Variants in BMAL1 observed in about 807,000 individuals in gnomAD.
BMAL1 encodes basic helix-loop-helix ARNT-like protein 1.
chr11:13,324,619 T>A, the BMAL1 span, among the ~76,000 whole-genome samples: 33 of 152,218 alleles, frequency 2.2e-4, no homozygotes, highest in Non-Finnish European at 3.4e-4. Context: ...TTATATGATA[T>A]GTTTGTTTGT....
the BMAL1 span, chr11:13,386,836 G>A: frequency 6.6e-7 from 1 of 1,512,876 alleles, no homozygotes; most frequent in South Asian, 1.3e-5. Context: ...AAGCTTACTG[G>A]ATAAGGAGAG....
chr11:13,381,111 A>G, the BMAL1 span: 4 of 1,579,978 alleles, frequency 2.5e-6, no homozygotes, highest in African/African-American at 1.3e-5. Flanking sequence ...AACAAAGCAC[A>G]TACACTCCAC....
the BMAL1 span, among the ~76,000 whole-genome samples, chr11:13,322,686 C>T: frequency 6.7e-6 from 1 of 150,222 alleles, no homozygotes; most frequent in Non-Finnish European, 1.5e-5. Flanking sequence ...GTCCTGTCAC[C>T]AAGGTATGCA....
chr11:13,342,494 A>G, the BMAL1 span, among the ~76,000 whole-genome samples: 3 of 152,110 alleles, frequency 2.0e-5, no homozygotes, highest in Admixed American at 2.0e-4. Flanking sequence ...GAGGTGATAA[A>G]TGGTGTGTGG....
the BMAL1 span, among the ~76,000 whole-genome samples, chr11:13,352,070 C>T: frequency 1.3e-3 from 200 of 151,890 alleles, 2 homozygotes; most frequent in African/African-American, 4.6e-3. Context: ...ATGGTGGTCT[C>T]GAGGAGGTGG....
chr11:13,365,494 G>C, the BMAL1 span: 1 of 1,612,128 alleles, frequency 6.2e-7, no homozygotes. Context: ...CATTTCTCCT[G>C]ATTAGGCAGC....
the BMAL1 span, among the ~76,000 whole-genome samples, chr11:13,311,053 G>A: frequency 1.3e-5 from 2 of 152,226 alleles, no homozygotes; most frequent in Non-Finnish European, 2.9e-5. Context: ...CAAAGAGGAT[G>A]AAAGTTTAAG....
At chr11:13,323,467 C>G in the BMAL1 span, among the ~76,000 whole-genome samples, 2 of 140,364 alleles carry the variant, frequency 1.4e-5, no homozygotes, top group Non-Finnish European at 3.1e-5. Flanking sequence ...TAGCCTTGCT[C>G]CTCCTCAGTC....
the BMAL1 span, among the ~76,000 whole-genome samples, chr11:13,366,422 A>G: frequency 1.3e-5 from 2 of 152,314 alleles, no homozygotes; most frequent in East Asian, 3.9e-4. Flanking sequence ...GTTGCCTTAG[A>G]AGAGCATAAA....
At chr11:13,278,440 C>T in the BMAL1 span, among the ~76,000 whole-genome samples, 2 of 152,224 alleles carry the variant, frequency 1.3e-5, no homozygotes, top group Non-Finnish European at 2.9e-5. Context: ...GCGAACGGTG[C>T]CGCGTCTGCC....
chr11:13,350,925 A>G, the BMAL1 span, among the ~76,000 whole-genome samples: 1 of 152,192 alleles, frequency 6.6e-6, no homozygotes, highest in Non-Finnish European at 1.5e-5. Flanking sequence ...TTAGTATACA[A>G]ATTTATTCGT....
At chr11:13,354,159 C>T in the BMAL1 span, 1 of 771,626 alleles carries the variant, frequency 1.3e-6, no homozygotes, top group Non-Finnish European at 2.1e-6. Flanking sequence ...GTGAGAGATG[C>T]ATTAGTGCTG....
At chr11:13,332,306 G>C in the BMAL1 span, among the ~76,000 whole-genome samples, 1 of 152,198 alleles carries the variant, frequency 6.6e-6, no homozygotes, top group South Asian at 2.1e-4. Context: ...GGTGTTGTCA[G>C]ATAGCAAACA....
At chr11:13,286,954 G>A in the BMAL1 span, among the ~76,000 whole-genome samples, 1 of 152,032 alleles carries the variant, frequency 6.6e-6, no homozygotes, top group Non-Finnish European at 1.5e-5. Context: ...TAAATGCAAA[G>A]CTATTTTCAG....
the BMAL1 span, among the ~76,000 whole-genome samples, chr11:13,326,739 A>G: frequency 2.2e-5 from 3 of 138,198 alleles, no homozygotes; most frequent in Admixed American, 7.4e-5. Context: ...ATATATATAT[A>G]TCTTCTATAT....
chr11:13,296,623 A>G, the BMAL1 span, among the ~76,000 whole-genome samples: 1 of 152,196 alleles, frequency 6.6e-6, no homozygotes, highest in African/African-American at 2.4e-5. Context: ...TCCCTTGTGA[A>G]TGTGGCCCTC....
At chr11:13,321,804 G>A in the BMAL1 span, among the ~76,000 whole-genome samples, 1 of 151,808 alleles carries the variant, frequency 6.6e-6, no homozygotes, top group East Asian at 1.9e-4. Context: ...TTTTTGCTTT[G>A]TCTCTCTCCT....
chr11:13,362,393 CTGTT>C, the BMAL1 span, among the ~76,000 whole-genome samples: 1 of 152,172 alleles, frequency 6.6e-6, no homozygotes, highest in Non-Finnish European at 1.5e-5. Context: ...CTGTCAAAAC[CTGTT>C]TGTTGAATGG....
chr11:13,295,742 T>C, the BMAL1 span, among the ~76,000 whole-genome samples: 6 of 152,348 alleles, frequency 3.9e-5, no homozygotes, highest in East Asian at 1.2e-3. Context: ...TCCAGATTTA[T>C]GCATGCTGCA....
Sources: allele counts gnomAD v4.1 joint callset (sites outside exome capture counted in the v4.1 genomes callset), GRCh38; gene constraint gnomAD v4.1.1; transcripts MANE v1.5; gene names NCBI Gene and HGNC (gene_info 2026-07-23, HGNC 2026-07-21).